Variants in ZNF595 observed in about 807,000 individuals in gnomAD.
The protein encoded by ZNF595 is zinc finger protein 595.
A neutral mutation model predicts 19.4 loss-of-function variants in ZNF595; 9 were observed. That is an observed-to-expected ratio of 0.46 (90% CI 0.28 to 0.81). The LOEUF is 0.81. ZNF595 is among the 30% of genes least tolerant of loss of function. ZNF595 has a pLI of 0.11. For synonymous variants in ZNF595, 255 were observed against 255.9 expected, an observed-to-expected ratio of 1.00 and a Z score of 0.03; for missense variants, 729 against 736.0, an observed-to-expected ratio of 0.99 and a Z score of 0.11.
At chr4:79,737 G>A (rs1581383480) in intron 3 of ZNF595, among the ~76,000 whole-genome samples, 1 of 134,852 alleles carries the variant, frequency 7.4e-6, no homozygotes, top group Non-Finnish European at 1.6e-5. Flanking sequence ...GTCTTTGGTT[G>A]TTCCCTATAA....
In ZNF595 at chr4:85,800, T is replaced by C. The variant is rs924994561; in HGVS notation, c.296T>C (p.Ile99Thr). The part of the protein sequence containing the change: ...QGIEDSFHKL[I>T]LKRYEKCGHE... ...ATAGAAGATTCATTCCACAAACTTA[T>C]ACTGAAAAGATACGAGAAATGTGGA... The change falls in exon 4 of 4, where the codon ATA (isoleucine) becomes ACA (threonine). Residue 99 changes from isoleucine (I) to threonine (T), a missense_variant. Coordinates refer to ENST00000610261, the MANE Select transcript of ZNF595 (RefSeq NM_182524.4). 1.5e-5 allele frequency: 25 copies of C among 1,613,700 alleles called. No individual in the cohort carries two copies. Among genetic ancestry groups the C allele is most frequent in the Middle Eastern group, 1.6e-4 (1 of 6,080 alleles).
rs1439440915 is a variant in ZNF595, at chr4:57,316, G to C, written c.4-2114G>C. Among the ~76,000 whole-genome samples the C allele has an allele frequency of 8.5e-5, 13 of 152,394 alleles. No homozygotes were observed. In the East Asian group the frequency reaches 2.3e-3, roughly 27 times the overall value. On this transcript the variant is annotated intron_variant, in intron 1 of 3. Transcript: ENST00000610261. The stretch of plus-strand genomic sequence containing the variant: ...TGCCTCCCTGTGTTACTGGAGTAGA[G>C]TACTTTTTTCCTTCGCCTACCTCAG...
Position 83,431 on chromosome 4 carries a change from A to T in ZNF595, c.227-2300A>T, listed in dbSNP as rs1714001319. ...CAGGAGATTGAGATCACTGGCTAAC[A>T]TGGTGAAACCCCGTCTCTACTAAAA... is the stretch of plus-strand genomic sequence containing the variant. On this transcript the variant is annotated intron_variant, in intron 3 of 3. Transcript: ENST00000610261. Among the ~76,000 whole-genome samples, 3 of 152,138 alleles carry T rather than the reference A, an allele frequency of 2.0e-5. No individual in the cohort carries two copies. In the South Asian group the frequency reaches 6.2e-4, roughly 32 times the overall value.
chr4:87,571 G>A lies in ZNF595; in HGVS notation c.*120G>A, dbSNP rs1714285120. 1 of 915,996 alleles carries A rather than the reference G, an allele frequency of 1.1e-6. No individual in the cohort carries two copies. Among genetic ancestry groups the A allele is most frequent in the Non-Finnish European group, 1.6e-6 (1 of 643,496 alleles). The allele number at this position is 915,996 out of a possible 1,614,324, so 56.7% of individuals were successfully genotyped here. A position where few individuals can be genotyped will look rare whatever the true frequency, so the allele number is the denominator to read the frequency against. On this transcript the variant is annotated 3_prime_UTR_variant, in exon 4 of 4. Coordinates refer to ENST00000610261, the MANE Select transcript of ZNF595 (RefSeq NM_182524.4). ...TTTAAATTTTTTAAAATTTCTGTAG[G>A]TACATAGTATGTGTATCTATTCATG...
chr4:87,563 T>A lies in ZNF595; in HGVS notation c.*112T>A. 1 of 1,018,070 alleles carries A rather than the reference T, an allele frequency of 9.8e-7. No homozygotes were observed. The highest frequency in any genetic ancestry group is 3.3e-5 in the Admixed American group (1 of 30,714). The allele number at this position is 1,018,070 out of a possible 1,614,324, so 63.1% of individuals were successfully genotyped here. A position where few individuals can be genotyped will look rare whatever the true frequency, so the allele number is the denominator to read the frequency against. On this transcript the variant is annotated 3_prime_UTR_variant, in exon 4 of 4. Transcript: ENST00000610261. ...TTTCTTATTTTAAATTTTTTAAAAT[T>A]TCTGTAGGTACATAGTATGTGTATC...
Position 87,725 on chromosome 4 carries a change from T to A in ZNF595, c.*274T>A. 1 of 198,968 alleles carries A rather than the reference T, an allele frequency of 5.0e-6. No homozygotes were observed. Among genetic ancestry groups the A allele is most frequent in the Non-Finnish European group, 9.8e-6 (1 of 101,650 alleles). 12.3% of individuals were successfully genotyped at this position (198,968 alleles called of 1,614,324 possible). A position where few individuals can be genotyped will look rare whatever the true frequency, so the allele number is the denominator to read the frequency against. ...CAGTTATACACTTTAATTTTTTTTT[T>A]TTTTTTTTTTTTTGAGACAGAGTCT... is the stretch of plus-strand genomic sequence containing the variant. On this transcript the variant is annotated 3_prime_UTR_variant, in exon 4 of 4. Transcript: ENST00000610261.
chr4:76,053 G>T (rs1432659774), intron 3 of ZNF595, among the ~76,000 whole-genome samples: 2 of 152,038 alleles, frequency 1.3e-5, no homozygotes. Context: ...ACCATGTCCG[G>T]CTAATTTTGT....
In ZNF595 at chr4:87,319, A is replaced by G; in HGVS notation, c.1815A>G (p.Ser605=). The G allele has an allele frequency of 1.2e-6, 2 of 1,613,748 alleles. No individual in the cohort carries two copies. Among genetic ancestry groups the G allele is most frequent in the South Asian group, 1.1e-5 (1 of 91,018 alleles). The change falls in exon 4 of 4, where the codon TCA becomes TCG. Residue 605 remains serine, a synonymous_variant. Coordinates refer to ENST00000610261, the MANE Select transcript of ZNF595 (RefSeq NM_182524.4). ...GTGGCAAAGCCTTCAATTGGTCCTCATCCCTTACTAAACATAAGATAATTC... is the reference window on the plus strand; with the variant it reads ...GTGGCAAAGCCTTCAATTGGTCCTCGTCCCTTACTAAACATAAGATAATTC... ...EECGKAFNWS[S]SLTKHKIIHT... is the part of the protein sequence containing the mutation.
intron 3 of ZNF595, among the ~76,000 whole-genome samples, chr4:79,597 C>G (rs528321642): frequency 6.6e-6 from 1 of 151,294 alleles, no homozygotes; most frequent in African/African-American, 2.4e-5. Context: ...TGTTTTTATG[C>G]CAATATTTTG....
In ZNF595 at chr4:86,437, C is replaced by G. The variant is rs781985989; in HGVS notation, c.933C>G (p.Pro311=). Residue 311 remains proline, a synonymous_variant, in exon 4 of 4, where the codon CCC becomes CCG. Coordinates refer to ENST00000610261, the MANE Select transcript of ZNF595 (RefSeq NM_182524.4). The part of the protein sequence containing the change: ...EHKNIHTGEK[P]YKCKECGKAF... ...AGAATATTCATACTGGAGAGAAACC[C>G]TACAAATGTAAAGAATGTGGCAAAG... 6.2e-7 allele frequency: 1 copy of G among 1,613,836 alleles called. No homozygotes were observed. Among genetic ancestry groups the G allele is most frequent in the Non-Finnish European group, 8.5e-7 (1 of 1,179,942 alleles).
intron 3 of ZNF595, among the ~76,000 whole-genome samples, chr4:74,572 G>T (rs1329798399): frequency 1.3e-5 from 2 of 152,210 alleles, no homozygotes; most frequent in African/African-American, 4.8e-5. Flanking sequence ...GCCCCAGGTG[G>T]TCGGGGAACA....
chr4:74,271 A>T (rs1308809775), intron 3 of ZNF595, among the ~76,000 whole-genome samples: 1 of 152,170 alleles, frequency 6.6e-6, no homozygotes, highest in Non-Finnish European at 1.5e-5. Flanking sequence ...ATCCTGGAGA[A>T]TGTTCCATGT....
chr4:67,298 T>TAA (rs1159488304), intron 3 of ZNF595, among the ~76,000 whole-genome samples: 2 of 145,470 alleles, frequency 1.4e-5, no homozygotes, highest in African/African-American at 5.2e-5. Flanking sequence ...TCTTAAAGTT[T>TAA]AAAAAAAAAG....
chr4:86,220 G>C lies in ZNF595; in HGVS notation c.716G>C (p.Arg239Pro). The change falls in exon 4 of 4, where the codon CGG becomes CCG. Residue 239 changes from arginine to proline, a missense_variant. By Grantham distance (103) the Arg-to-Pro change is moderately radical. Transcript: ENST00000610261. ...TCEECGKAFR[R>P]STVLNEHKKI... ...GAAGAATGTGGCAAAGCCTTTAGAC[G>C]GTCCACAGTTCTGAACGAACATAAG... The C allele has an allele frequency of 6.2e-7, 1 of 1,607,550 alleles. No individual in the cohort carries two copies. The highest frequency in any genetic ancestry group is 8.5e-7 in the Non-Finnish European group (1 of 1,177,178).
chr4:74,581 C>T (rs1713568414), intron 3 of ZNF595, among the ~76,000 whole-genome samples: 1 of 152,118 alleles, frequency 6.6e-6, no homozygotes, highest in African/African-American at 2.4e-5. Flanking sequence ...GGTCGGGGAA[C>T]AACTTAATTT....
At chr4:82,459 C>G (rs1282376589) in intron 3 of ZNF595, among the ~76,000 whole-genome samples, 1 of 145,130 alleles carries the variant, frequency 6.9e-6, no homozygotes, top group African/African-American at 2.5e-5. Flanking sequence ...TCTCAGCTCA[C>G]CACAACCCTC....
intron 3 of ZNF595, among the ~76,000 whole-genome samples, chr4:72,869 C>T (rs1713487518): frequency 6.6e-6 from 1 of 152,154 alleles, no homozygotes; most frequent in Admixed American, 6.5e-5. Context: ...AATCTTGACA[C>T]TGTCAAAGGA....
intron 3 of ZNF595, among the ~76,000 whole-genome samples, chr4:75,145 C>T (rs1231551602): frequency 6.6e-6 from 1 of 152,008 alleles, no homozygotes; most frequent in South Asian, 2.1e-4. Flanking sequence ...TATGTGTGTC[C>T]TTAACTCTAA....
Position 85,811 on chromosome 4 carries a change from T to TA in ZNF595, c.308dup (p.Tyr103Ter), listed in dbSNP as rs782080382. 7 of 1,613,832 alleles carry TA rather than the reference T, an allele frequency of 4.3e-6. No individual in the cohort carries two copies. The African/African-American group carries it at 8.0e-5, about 18-fold the overall frequency. Residue 103 changes from tyrosine to a stop codon, truncating the protein, a stop_gained and frameshift_variant, in exon 4 of 4, where the codon TAC becomes TAAC. Coordinates refer to ENST00000610261, the MANE Select transcript of ZNF595 (RefSeq NM_182524.4). LOFTEE classifies it low-confidence loss of function (END_TRUNC). ...DSFHKLILKR[Y>*]EKCGHENLQL... Reference sequence around the variant, plus strand: ...ATTCCACAAACTTATACTGAAAAGATACGAGAAATGTGGACATGAGAATTT... The same window carrying TA: ...ATTCCACAAACTTATACTGAAAAGATAACGAGAAATGTGGACATGAGAATTT...
Sources: gnomAD v4.1 joint callset for allele counts (sites outside exome capture counted in the v4.1 genomes callset) on GRCh38, gnomAD v4.1.1 for gene constraint, MANE v1.5 for transcripts, NCBI Gene and HGNC (gene_info 2026-07-23, HGNC 2026-07-21) for gene names.